TNFRSF10D: variants seen among roughly 807,000 people sequenced by gnomAD.
TNFRSF10D encodes TNF receptor superfamily member 10d.
Under a neutral mutation model 42.1 loss-of-function variants are expected in TNFRSF10D, and 28 were observed. That is an observed-to-expected ratio of 0.66 (90% CI 0.49 to 0.91). TNFRSF10D has a LOEUF of 0.91. Among genes scored for constraint, TNFRSF10D ranks in the 40% least tolerant of loss-of-function variants. The pLI is 0.00. For synonymous variants in TNFRSF10D, 186 were observed against 189.4 expected, an observed-to-expected ratio of 0.98 and a Z score of 0.15; for missense variants, 503 against 486.1, an observed-to-expected ratio of 1.03 and a Z score of -0.33.
intron 2 of TNFRSF10D, among the ~76,000 whole-genome samples, chr8:23,150,871 A>T (rs963063004): frequency 5.9e-5 from 9 of 152,194 alleles, no homozygotes; most frequent in Non-Finnish European, 1.3e-4. Flanking sequence ...GAAGAAAAAA[A>T]AAATAAAGAA....
intron 1 of TNFRSF10D, among the ~76,000 whole-genome samples, chr8:23,155,650 C>T (rs1337892255): frequency 9.3e-5 from 14 of 151,336 alleles, no homozygotes; most frequent in Middle Eastern, 3.4e-3. Flanking sequence ...ACCCAGGAGG[C>T]GGAGCTTGCA....
intron 3 of TNFRSF10D, among the ~76,000 whole-genome samples, chr8:23,148,005 C>T (rs1308101202): frequency 1.4e-5 from 2 of 141,776 alleles, no homozygotes; most frequent in African/African-American, 2.6e-5. Context: ...GCGGAGCTTG[C>T]AGTGAGCCGA....
At chr8:23,161,204 G>A (rs1034931486) in intron 1 of TNFRSF10D, among the ~76,000 whole-genome samples, 6 of 152,228 alleles carry the variant, frequency 3.9e-5, no homozygotes, top group Admixed American at 3.3e-4. Context: ...CACTTTACAG[G>A]CAGGAGCTGG....
chr8:23,146,876 G>C, intron 4 of TNFRSF10D, 85 bp downstream of exon 4: 1 of 1,179,068 alleles, frequency 8.5e-7, no homozygotes, highest in Non-Finnish European at 1.3e-6. Flanking sequence ...GGATCCATGG[G>C]GTCAGCGGAG....
chr8:23,140,646 T>A (rs1216281726), intron 7 of TNFRSF10D, among the ~76,000 whole-genome samples: 1 of 152,200 alleles, frequency 6.6e-6, no homozygotes, highest in African/African-American at 2.4e-5. Flanking sequence ...GAAAAAATTA[T>A]TGGAAGTAAC....
chr8:23,138,322 C>T (rs1814378382), intron 7 of TNFRSF10D, 62 bp from the exon 8 acceptor site: 17 of 1,581,082 alleles, frequency 1.1e-5, no homozygotes, highest in Non-Finnish European at 1.5e-5. Context: ...TAGTACTGAC[C>T]CTGACCACTA....
chr8:23,164,017 G>T lies in TNFRSF10D; in HGVS notation c.-82C>A, dbSNP rs1379523415. On this transcript the variant is annotated 5_prime_UTR_variant, in exon 1 of 9. Coordinates refer to ENST00000312584, the MANE Select transcript of TNFRSF10D (RefSeq NM_003840.5). Reference sequence around the variant, plus strand: ...AGTTTGTGCGCGTGCAAAGGTTCTCGCAGCTACACTGCCAGAATAGAACGT... The same window carrying T: ...AGTTTGTGCGCGTGCAAAGGTTCTCTCAGCTACACTGCCAGAATAGAACGT... The T allele has an allele frequency of 4.9e-6, 7 of 1,434,600 alleles. No homozygotes were observed. In the East Asian group the frequency reaches 1.3e-4, roughly 27 times the overall value. The allele number at this position is 1,434,600 out of a possible 1,614,324, so 88.9% of individuals were successfully genotyped here. A position where few individuals can be genotyped will look rare whatever the true frequency, so the allele number is the denominator to read the frequency against.
intron 1 of TNFRSF10D, among the ~76,000 whole-genome samples, chr8:23,162,237 C>T (rs764760939): frequency 1.2e-4 from 19 of 152,230 alleles, no homozygotes; most frequent in African/African-American, 3.6e-4. Context: ...TCCTTTGGGA[C>T]GCATAGAGTT....
chr8:23,144,945 A>T, intron 6 of TNFRSF10D, 113 bp downstream of exon 6: 1 of 1,481,574 alleles, frequency 6.7e-7, no homozygotes. Flanking sequence ...AGGCCATGTC[A>T]GAGAGTCAGG....
At chr8:23,139,549 CTA>C (rs1814407005) in intron 7 of TNFRSF10D, among the ~76,000 whole-genome samples, 1 of 151,146 alleles carries the variant, frequency 6.6e-6, no homozygotes, top group African/African-American at 2.5e-5. Context: ...TAAGAGCCAT[CTA>C]TGACAAACCC....
chr8:23,144,833 GTGTC>G (rs1800091395), intron 6 of TNFRSF10D, among the ~76,000 whole-genome samples, 198 bp from the exon 7 acceptor site: 1 of 152,136 alleles, frequency 6.6e-6, no homozygotes, highest in South Asian at 2.1e-4. Context: ...TGGAGTGATG[GTGTC>G]ACCGAGGCTG....
intron 2 of TNFRSF10D, among the ~76,000 whole-genome samples, chr8:23,153,702 C>T (rs868293364): frequency 3.3e-5 from 5 of 151,806 alleles, no homozygotes; most frequent in Admixed American, 2.0e-4. Flanking sequence ...ATGGCTATTA[C>T]CAAAAAGACA....
chr8:23,158,180 C>T (rs761509713), intron 1 of TNFRSF10D, among the ~76,000 whole-genome samples: 1 of 152,082 alleles, frequency 6.6e-6, no homozygotes, highest in Non-Finnish European at 1.5e-5. Flanking sequence ...TTTTAATAAA[C>T]TTTCACTCCT....
intron 8 of TNFRSF10D, 64 bp downstream of exon 8, chr8:23,138,124 A>G (rs1416131343): frequency 6.2e-7 from 1 of 1,611,650 alleles, no homozygotes. Flanking sequence ...CTATAGGGAC[A>G]GCAGTTAGGA....
intron 2 of TNFRSF10D, among the ~76,000 whole-genome samples, chr8:23,152,152 G>A (rs1487221766): frequency 4.9e-3 from 740 of 152,058 alleles, no homozygotes; most frequent in African/African-American, 0.017. Context: ...AAGGATGTTA[G>A]GTTCAGATGT....
chr8:23,144,410 G>A (rs1389762029), intron 7 of TNFRSF10D, 40 bp downstream of exon 7: 1 of 1,597,332 alleles, frequency 6.3e-7, no homozygotes, highest in African/African-American at 1.3e-5. Flanking sequence ...GTCCTGTGCA[G>A]GCTGCACGCC....
intron 1 of TNFRSF10D, among the ~76,000 whole-genome samples, chr8:23,162,477 C>A (rs1307491936): frequency 1.3e-5 from 2 of 152,224 alleles, no homozygotes; most frequent in Admixed American, 1.3e-4. Flanking sequence ...TGGAGACTCT[C>A]ATGGTTCATG....
Position 23,137,786 on chromosome 8 carries a change from G to A in TNFRSF10D, c.*84C>T. 1 of 1,540,254 alleles carries A rather than the reference G, an allele frequency of 6.5e-7. No homozygotes were observed. Among genetic ancestry groups the A allele is most frequent in the African/African-American group, 1.4e-5 (1 of 72,744 alleles). ...TAGAGTTTGTTGGGGCATGGGTCAA[G>A]TACTGGACTGTTTCTTCCAGGCTGC... On this transcript the variant is annotated 3_prime_UTR_variant, in exon 9 of 9. Coordinates refer to ENST00000312584, the MANE Select transcript of TNFRSF10D (RefSeq NM_003840.5).
intron 2 of TNFRSF10D, 72 bp downstream of exon 2, chr8:23,154,802 T>A: frequency 6.9e-7 from 1 of 1,457,366 alleles, no homozygotes; most frequent in Non-Finnish European, 9.4e-7. Flanking sequence ...AACATCATGG[T>A]GTACACCATG....
Sources: allele counts gnomAD v4.1 joint callset (sites outside exome capture counted in the v4.1 genomes callset), GRCh38; gene constraint gnomAD v4.1.1; transcripts MANE v1.5; gene names NCBI Gene and HGNC (gene_info 2026-07-23, HGNC 2026-07-21).